The following TAF1D variants were observed in gnomAD, a reference collection of about 807,000 sequenced individuals.
TAF1D encodes the protein TATA-box binding protein associated factor, RNA polymerase I subunit D.
A neutral mutation model predicts 26.2 loss-of-function variants in TAF1D; 23 were observed. The ratio of observed to expected loss-of-function variants is 0.88; its 90% CI spans 0.63 to 1.25. TAF1D has a LOEUF of 1.25. TAF1D is among the 50% of genes most tolerant of loss of function. The probability of loss-of-function intolerance (pLI) is 0.00; values close to 1 mark genes in which losing one functional copy is unlikely to be tolerated. For missense variants in TAF1D, 299 were observed against 322.0 expected (o/e 0.93, Z 0.55); for synonymous variants, 100 against 105.6 (o/e 0.95, Z 0.33).
At chr11:93,730,382 T>G (rs1412119553) in exon 12 of TAF1D, 1 of 897,064 alleles carries the variant, frequency 1.1e-6, no homozygotes, top group Non-Finnish European at 1.9e-6. Context: ...TTTCTTCCAC[T>G]GTCCATCAAG....
At chr11:93,732,543 T>C (rs1452080383), downstream of TAF1D, 4 of 456,640 alleles carry the variant, frequency 8.8e-6, no homozygotes, top group African/African-American at 4.0e-5. Flanking sequence ...ATTTGCAATA[T>C]TGCTGAGAAA....
At chr11:93,740,398 T>A (rs1448040681) in intron 1 of TAF1D, among the ~76,000 whole-genome samples, 1 of 117,404 alleles carries the variant, frequency 8.5e-6, no homozygotes, top group Non-Finnish European at 1.6e-5. Flanking sequence ...ACCACTGCAC[T>A]CCAGCCTGGA....
intron 1 of TAF1D, 66 bp from the exon 2 acceptor site, chr11:93,739,397 G>A: frequency 9.5e-7 from 1 of 1,050,764 alleles, no homozygotes; most frequent in Non-Finnish European, 1.4e-6. Context: ...CTACTACAGT[G>A]TTGAACGTGG....
rs373782857 is a variant in TAF1D at position 93,736,144 on chromosome 11, T to C, written c.*17A>G. 13 of 1,613,360 alleles carry C rather than the reference T, an allele frequency of 8.1e-6. No homozygotes were observed. Among genetic ancestry groups the C allele is most frequent in the Non-Finnish European group, 1.1e-5 (13 of 1,179,714 alleles). ...TCGTTTTTTCTATATGCTTCACCTT[T>C]GACATTCATGATCCTGTCACATTTT... On this transcript the variant is annotated 3_prime_UTR_variant, in exon 6 of 6. Transcript: ENST00000448108.
Position 93,735,836 on chromosome 11 carries a change from C to T in TAF1D, c.*325G>A, listed in dbSNP as rs1940659978. On this transcript the variant is annotated 3_prime_UTR_variant, in exon 6 of 6. Transcript: ENST00000448108. ...GGGTGTCAAGTTACTTTAAGATTTT[C>T]TTTTCAAAATTAAAATCACTACATT... is the stretch of plus-strand genomic sequence containing the variant. 2.8e-6 allele frequency: 3 copies of T among 1,076,144 alleles called. No homozygotes were observed. The highest frequency in any genetic ancestry group is 1.1e-6 in the Non-Finnish European group (1 of 887,508). 66.7% of individuals were successfully genotyped at this position (1,076,144 alleles called of 1,614,324 possible).
downstream of TAF1D, chr11:93,733,153 G>A (rs939213990): frequency 1.2e-5 from 6 of 497,198 alleles, no homozygotes; most frequent in Non-Finnish European, 2.0e-5. Flanking sequence ...GATTTAGAAA[G>A]GATACATTTC....
At chr11:93,734,878 C>A, downstream of TAF1D, 1 of 802,880 alleles carries the variant, frequency 1.2e-6, no homozygotes, top group Non-Finnish European at 1.7e-6. Flanking sequence ...GCCTCAGCCT[C>A]CCCCCTTTCT....
At chr11:93,731,180 T>A (rs886945330), downstream of TAF1D, 39 of 456,402 alleles carry the variant, frequency 8.5e-5, no homozygotes, top group Non-Finnish European at 1.5e-4. Flanking sequence ...TCATCTCGTT[T>A]TAATATGGAT....
At chr11:93,730,502 G>C in exon 12 of TAF1D, 1 of 722,858 alleles carries the variant, frequency 1.4e-6, no homozygotes, top group South Asian at 1.4e-5. Flanking sequence ...CAACAATCCT[G>C]GATTATTACG....
intron 3 of TAF1D, among the ~76,000 whole-genome samples, chr11:93,737,738 C>A (rs1422927947): frequency 6.6e-6 from 1 of 152,138 alleles, no homozygotes; most frequent in African/African-American, 2.4e-5. Flanking sequence ...AATATATCCA[C>A]TGAACATAAG....
At chr11:93,737,002 CAATT>C in intron 4 of TAF1D, 58 bp downstream of exon 4, 1 of 1,365,410 alleles carries the variant, frequency 7.3e-7, no homozygotes, top group Non-Finnish European at 9.8e-7. Flanking sequence ...AAATATGAAG[CAATT>C]AACATAGAAA....
chr11:93,739,075 G>A, intron 2 of TAF1D, 162 bp downstream of exon 2: 1 of 566,488 alleles, frequency 1.8e-6, no homozygotes. Context: ...TAAAGTATTT[G>A]CAATGCTATT....
At chr11:93,737,324 C>A in intron 3 of TAF1D, 85 bp from the exon 4 acceptor site, 3 of 901,110 alleles carry the variant, frequency 3.3e-6, no homozygotes, top group Non-Finnish European at 5.0e-6. Flanking sequence ...GCAATGCCCC[C>A]CCTTAGCAAA....
rs936413870 is a variant in TAF1D, at chr11:93,735,755, G to A, written c.*406C>T. ...AGCATCTGACAGGTCACTTGTCATGGCTGAACAAAGCTGGGATAAAATTAC... is the reference window on the plus strand; with the variant it reads ...AGCATCTGACAGGTCACTTGTCATGACTGAACAAAGCTGGGATAAAATTAC... On this transcript the variant is annotated 3_prime_UTR_variant, in exon 6 of 6. Coordinates refer to ENST00000448108, the MANE Select transcript of TAF1D (RefSeq NM_024116.4). 2.9e-6 allele frequency: 3 copies of A among 1,047,486 alleles called. No individual in the cohort carries two copies. Among genetic ancestry groups the A allele is most frequent in the Non-Finnish European group, 3.5e-6 (3 of 868,856 alleles). 64.9% of individuals were successfully genotyped at this position (1,047,486 alleles called of 1,614,324 possible). A position where few individuals can be genotyped will look rare whatever the true frequency, so the allele number is the denominator to read the frequency against.
At chr11:93,737,507 A>G (rs1456390466) in intron 3 of TAF1D, among the ~76,000 whole-genome samples, 2 of 152,178 alleles carry the variant, frequency 1.3e-5, no homozygotes, top group Admixed American at 1.3e-4. Context: ...AAAAACAGGA[A>G]TAAGATTTCT....
In TAF1D at chr11:93,735,973, A is replaced by G. The variant is rs560189678; in HGVS notation, c.*188T>C. 1.5e-6 allele frequency: 2 copies of G among 1,353,712 alleles called. No homozygotes were observed. The highest frequency in any genetic ancestry group is 6.0e-5 in the East Asian group (2 of 33,430). The allele number at this position is 1,353,712 out of a possible 1,614,324, so 83.9% of individuals were successfully genotyped here. On this transcript the variant is annotated 3_prime_UTR_variant, in exon 6 of 6. Coordinates refer to ENST00000448108, the MANE Select transcript of TAF1D (RefSeq NM_024116.4). Reference sequence around the variant, plus strand: ...TGGTGTTTTAATGGTTTTTTTTCTAATTATTACTACTTCACAAGTTTCTTT... The same window carrying G: ...TGGTGTTTTAATGGTTTTTTTTCTAGTTATTACTACTTCACAAGTTTCTTT...
At chr11:93,734,704 G>T, downstream of TAF1D, 1 of 1,284,814 alleles carries the variant, frequency 7.8e-7, no homozygotes, top group Non-Finnish European at 1.0e-6. Flanking sequence ...ACATGAAATT[G>T]GAATGCAAAA....
exon 12 of TAF1D, chr11:93,730,542 C>T: frequency 6.1e-6 from 4 of 655,922 alleles, no homozygotes; most frequent in South Asian, 5.5e-5. Context: ...AACATAGCAC[C>T]AAACATTAGG....
downstream of TAF1D, chr11:93,732,514 G>A (rs1291260521): frequency 4.2e-6 from 2 of 480,402 alleles, no homozygotes; most frequent in African/African-American, 3.9e-5. Flanking sequence ...TGACTGAACT[G>A]TACAACTCGT....
Sources: allele counts gnomAD v4.1 joint callset (sites outside exome capture counted in the v4.1 genomes callset), GRCh38; gene constraint gnomAD v4.1.1; transcripts MANE v1.5; gene names NCBI Gene and HGNC (gene_info 2026-07-23, HGNC 2026-07-21).